MAP4K5: variants seen among roughly 807,000 people sequenced by gnomAD.
The protein encoded by MAP4K5 is MAPK/ERK kinase kinase kinase 5.
Under a neutral mutation model 135.6 loss-of-function variants are expected in MAP4K5, and 82 were observed. That is an observed-to-expected ratio of 0.60 (90% confidence interval 0.51 to 0.73). MAP4K5 has a LOEUF of 0.73. Among genes scored for constraint, MAP4K5 ranks in the 30% least tolerant of loss-of-function variants. The probability of loss-of-function intolerance (pLI) is 0.00; values close to 1 mark genes in which losing one functional copy is unlikely to be tolerated. For synonymous variants in MAP4K5, 347 were observed against 335.0 expected (o/e 1.04, Z -0.39); for missense variants, 907 against 1,010.9 (o/e 0.90, Z 1.39).
chr14:50,512,688 G>A (rs2037954071), intron 2 of MAP4K5, among the ~76,000 whole-genome samples: 1 of 152,012 alleles, frequency 6.6e-6, no homozygotes, highest in Non-Finnish European at 1.5e-5. Context: ...AAGGCAAAGA[G>A]GCTTTCAGAA....
intron 32 of MAP4K5, among the ~76,000 whole-genome samples, chr14:50,422,294 C>G (rs759988008): frequency 1.3e-5 from 2 of 152,142 alleles, no homozygotes; most frequent in Admixed American, 6.5e-5. Flanking sequence ...CTTTTCTATT[C>G]ACTAAGGTAG....
At chr14:50,420,144 A>G in intron 32 of MAP4K5, 38 bp from the exon 33 acceptor site, 1 of 1,152,172 alleles carries the variant, frequency 8.7e-7, no homozygotes, top group Non-Finnish European at 1.3e-6. Context: ...AAGAGTAACT[A>G]CAGATTTCAT....
At chr14:50,497,772 A>G (rs187900799) in intron 3 of MAP4K5, among the ~76,000 whole-genome samples, 12 of 152,018 alleles carry the variant, frequency 7.9e-5, no homozygotes, top group African/African-American at 2.7e-4. Flanking sequence ...AAACACATTT[A>G]ACTTATTTTA....
Position 50,425,907 on chromosome 14 carries a change from C to T in MAP4K5, c.2397G>A (p.Glu799=). 1 of 1,608,882 alleles carries T rather than the reference C, an allele frequency of 6.2e-7. No individual in the cohort carries two copies. Among genetic ancestry groups the T allele is most frequent in the Admixed American group, 1.7e-5 (1 of 59,860 alleles). Reference sequence around the variant, plus strand: ...GTGGAGGTAATCTGAGAAGGCTTACCTCATCTGACTTGAAGCTTTTACCCT... The same window carrying T: ...GTGGAGGTAATCTGAGAAGGCTTACTTCATCTGACTTGAAGCTTTTACCCT... ...GMQGKSFKSD[E]VTQEISDETR... is the part of the protein sequence containing the mutation. Residue 799 remains glutamate, a splice_region_variant and synonymous_variant, in exon 31 of 33, where the codon GAG becomes GAA. Transcript: ENST00000682126.
upstream of MAP4K5, among the ~76,000 whole-genome samples, chr14:50,537,233 G>C (rs1009078094): frequency 2.0e-5 from 3 of 152,360 alleles, no homozygotes; most frequent in Admixed American, 6.5e-5. Context: ...TGGCTTCAGA[G>C]GGTGCAAGCC....
At chr14:50,489,570 C>T (rs548956750) in intron 3 of MAP4K5, among the ~76,000 whole-genome samples, 2 of 152,254 alleles carry the variant, frequency 1.3e-5, no homozygotes, top group East Asian at 3.9e-4. Context: ...CCTGACTTTA[C>T]AGTTTGTGTT....
intron 32 of MAP4K5, among the ~76,000 whole-genome samples, chr14:50,421,027 T>C (rs955107773): frequency 2.6e-5 from 4 of 152,120 alleles, no homozygotes; most frequent in Admixed American, 2.6e-4. Context: ...ATAACACTTA[T>C]TTTTCTAGTG....
chr14:50,538,775 A>G (rs984984219), intron 2 of MAP4K5, among the ~76,000 whole-genome samples: 1 of 152,156 alleles, frequency 6.6e-6, no homozygotes, highest in Non-Finnish European at 1.5e-5. Context: ...ATTCCTCACT[A>G]TCTATTGGTG....
chr14:50,504,624 T>G (rs747483096), intron 3 of MAP4K5, among the ~76,000 whole-genome samples, 176 bp downstream of exon 3: 1 of 152,104 alleles, frequency 6.6e-6, no homozygotes, highest in Non-Finnish European at 1.5e-5. Flanking sequence ...CAAATTTTAT[T>G]TGGCAACAAA....
At chr14:50,472,325 T>C (rs547280680) in intron 9 of MAP4K5, 1 of 152,240 alleles carries the variant, frequency 6.6e-6, no homozygotes, top group Admixed American at 6.5e-5. Context: ...TTCATAGAAA[T>C]CCTAGGAATG....
intron 28 of MAP4K5, 67 bp downstream of exon 28, chr14:50,434,327 A>G (rs900472736): frequency 8.1e-7 from 1 of 1,231,632 alleles, no homozygotes; most frequent in Non-Finnish European, 1.1e-6. Flanking sequence ...CTTCTTTTAT[A>G]GGTGGTGTTT....
At chr14:50,468,835 CTG>C (rs1476077358) in intron 9 of MAP4K5, 53 bp from the exon 10 acceptor site, 1 of 1,491,654 alleles carries the variant, frequency 6.7e-7, no homozygotes, top group Non-Finnish European at 9.2e-7. Flanking sequence ...TGATCTGAAT[CTG>C]TTACTTCCTG....
intron 14 of MAP4K5, among the ~76,000 whole-genome samples, chr14:50,454,782 A>G (rs2036564293): frequency 6.6e-6 from 1 of 152,082 alleles, no homozygotes. Flanking sequence ...GATCTGTGTA[A>G]AAACAATGAA....
intron 32 of MAP4K5, 59 bp from the exon 33 acceptor site, chr14:50,420,165 C>CTAA: frequency 1.1e-6 from 1 of 878,218 alleles, no homozygotes; most frequent in Admixed American, 2.0e-5. Flanking sequence ...ACATCAAATA[C>CTAA]TAACATCAAA....
At chr14:50,464,190 G>T in intron 11 of MAP4K5, 57 bp from the exon 12 acceptor site, 2 of 840,148 alleles carry the variant, frequency 2.4e-6, no homozygotes, top group Non-Finnish European at 3.9e-6. Context: ...TTCGGTGTTA[G>T]TAAATAACAT....
rs188396597 is a variant in MAP4K5, at chr14:50,502,408, C to A, written c.166+2392G>T. ...AAAATATAACCAATAAAATCAATGG[C>A]GAAGTAAATATCTATAATAACCAAT... On this transcript the variant is annotated intron_variant, in intron 3 of 32. Transcript: ENST00000682126. Among the ~76,000 whole-genome samples the A allele has an allele frequency of 4.0e-4, 61 of 152,086 alleles. 1 individual carries two copies. Among genetic ancestry groups the A allele is most frequent in the African/African-American group, 1.4e-3 (58 of 41,500 alleles).
intron 2 of MAP4K5, among the ~76,000 whole-genome samples, chr14:50,528,010 G>A (rs994452897): frequency 5.9e-5 from 9 of 152,086 alleles, no homozygotes; most frequent in Non-Finnish European, 8.8e-5. Context: ...TGTGGTCAGA[G>A]GTAGTTGAGA....
At chr14:50,551,169 G>A (rs2038697528) in intron 1 of MAP4K5, among the ~76,000 whole-genome samples, 2 of 152,014 alleles carry the variant, frequency 1.3e-5, no homozygotes, top group Admixed American at 1.3e-4. Context: ...ATCCAAATAA[G>A]CTCAATTAGA....
chr14:50,507,162 C>G (rs771184985), intron 2 of MAP4K5, among the ~76,000 whole-genome samples: 4 of 152,188 alleles, frequency 2.6e-5, no homozygotes, highest in Non-Finnish European at 5.9e-5. Context: ...TTTGCAGGAA[C>G]TTTCATATAC....
Sources: allele counts gnomAD v4.1 joint callset (sites outside exome capture counted in the v4.1 genomes callset), GRCh38; gene constraint gnomAD v4.1.1; transcripts MANE v1.5; gene names NCBI Gene and HGNC (gene_info 2026-07-23, HGNC 2026-07-21).